The following CYP2A6 variants were observed in gnomAD, a reference collection of about 807,000 sequenced individuals.
CYP2A6 encodes cytochrome P450 2A6.
Under a neutral mutation model 42.3 loss-of-function variants are expected in CYP2A6, and 27 were observed. The ratio of observed to expected loss-of-function variants is 0.64; its 90% CI spans 0.47 to 0.88. The LOEUF is 0.88. Ranked by LOEUF, CYP2A6 falls within the 40% of genes least tolerant of loss-of-function variation. CYP2A6 has a pLI of 0.00. For synonymous variants in CYP2A6, 238 were observed against 246.3 expected (o/e 0.97, Z 0.31); for missense variants, 628 against 646.0 (o/e 0.97, Z 0.30).
At chr19:40,845,242 A>C (rs576392235) in intron 7 of CYP2A6, 52 bp downstream of exon 7, 1 of 1,606,050 alleles carries the variant, frequency 6.2e-7, no homozygotes, top group East Asian at 2.3e-5. Flanking sequence ...TGCTGGGGAC[A>C]CAGAGAGGGG....
chr19:40,850,127 T>G, intron 1 of CYP2A6, 120 bp downstream of exon 1: 1 of 1,527,378 alleles, frequency 6.5e-7, no homozygotes, highest in South Asian at 1.3e-5. Flanking sequence ...TTTCTGATGC[T>G]GAAACTCCAA....
At chr19:40,845,725 G>A (rs2083453125) in intron 6 of CYP2A6, among the ~76,000 whole-genome samples, 1 of 151,394 alleles carries the variant, frequency 6.6e-6, no homozygotes, top group Admixed American at 6.6e-5. Flanking sequence ...ACGGGCAGTG[G>A]GCACTCAGTG....
At chr19:40,844,884 T>C in intron 7 of CYP2A6, 112 bp from the exon 8 acceptor site, 4 of 1,392,688 alleles carry the variant, frequency 2.9e-6, no homozygotes, top group Non-Finnish European at 3.9e-6. Flanking sequence ...GTGGCAGGCA[T>C]GGAGGAGTTG....
chr19:40,846,227 A>G, intron 5 of CYP2A6, 130 bp from the exon 6 acceptor site: 1 of 1,309,058 alleles, frequency 7.6e-7, no homozygotes, highest in Middle Eastern at 2.7e-4. Context: ...GATCTACCAG[A>G]CTCGCTCTAG....
intron 4 of CYP2A6, among the ~76,000 whole-genome samples, chr19:40,847,379 G>C (rs1018676614): frequency 4.6e-4 from 69 of 151,594 alleles, no homozygotes; most frequent in African/African-American, 1.6e-3. Flanking sequence ...CAGGTGTTTA[G>C]CTCTTCAGGT....
chr19:40,848,771 G>C lies in CYP2A6; in HGVS notation c.344-8C>G. 6.2e-7 allele frequency: 1 copy of C among 1,609,950 alleles called. No individual in the cohort carries two copies. Among genetic ancestry groups the C allele is most frequent in the East Asian group, 2.3e-5 (1 of 43,142 alleles). On this transcript the variant is annotated splice_polypyrimidine_tract_variant and splice_region_variant and intron_variant, in intron 2 of 8. Coordinates refer to ENST00000301141, the MANE Select transcript of CYP2A6 (RefSeq NM_000762.6). ...CGTTGCTGAATACCACGCCTGGGGA[G>C]GTGAACGCGGGAATGGAGACAGGCC...
rs1599777197 is a variant in CYP2A6 at position 40,844,988 on chromosome 19, G to GT, written c.1162-217_1162-216insA. On this transcript the variant is annotated intron_variant, in intron 7 of 8. Transcript: ENST00000301141. Reference sequence around the variant, plus strand: ...ATGGGGTCCATGTCCTTCTAGGCAGGAGTTTGGGGGACCTGAGATTTCTGT... The same window carrying GT: ...ATGGGGTCCATGTCCTTCTAGGCAGGTAGTTTGGGGGACCTGAGATTTCTGT... The GT allele has an allele frequency of 1.5e-4, 103 of 677,752 alleles. 14 individuals are homozygous for GT. In the East Asian group the frequency reaches 3.1e-3, roughly 20 times the overall value. The allele number at this position is 677,752 out of a possible 1,614,324, so 42.0% of individuals were successfully genotyped here. A position where few individuals can be genotyped will look rare whatever the true frequency, so the allele number is the denominator to read the frequency against.
In CYP2A6 at chr19:40,850,389, A is replaced by G. The variant is rs373993802; in HGVS notation, c.38T>C (p.Val13Ala). 62 of 1,610,158 alleles carry G rather than the reference A, an allele frequency of 3.9e-5. 4 individuals are homozygous for G. In the Middle Eastern group the frequency reaches 5.0e-4, roughly 13 times the overall value. Reference sequence around the variant, plus strand: ...CATCAAGACCATTACAGTCAGGCAGACCAGCAAGGCCACCAGAAGCATCCC... The same window carrying G: ...CATCAAGACCATTACAGTCAGGCAGGCCAGCAAGGCCACCAGAAGCATCCC... The part of the protein sequence containing the change: ...ASGMLLVALL[V>A]CLTVMVLMSV... The change falls in exon 1 of 9, where the codon GTC becomes GCC. Residue 13 changes from valine (V) to alanine (A), a missense_variant. By Grantham distance (64) the Val-to-Ala change is moderately conservative. Coordinates refer to ENST00000301141, the MANE Select transcript of CYP2A6 (RefSeq NM_000762.6).
chr19:40,847,151 A>G, intron 4 of CYP2A6, 100 bp from the exon 5 acceptor site: 1 of 1,498,364 alleles, frequency 6.7e-7, no homozygotes, highest in Non-Finnish European at 9.0e-7. Flanking sequence ...GAACTGAGTT[A>G]AAGGCATCTG....
At position 40,845,346 on chromosome 19, in the gene CYP2A6, A is replaced by T. The variant is rs142447929; in HGVS notation, c.1109T>A (p.Leu370Ter). The T allele has an allele frequency of 3.1e-6, 5 of 1,611,502 alleles. No homozygotes were observed. The highest frequency in any genetic ancestry group is 4.2e-6 in the Non-Finnish European group (5 of 1,179,862). The change falls in exon 7 of 9, where the codon TTG becomes TAG. Residue 370 changes from leucine to a stop codon, truncating the protein, a stop_gained. Transcript: ENST00000301141. LOFTEE classifies it high-confidence loss of function. ...QRFGDVIPMS[L>*]ARRVKKDTKF... ...GGTGTCCTTTTTGACTCTGCGGGCC[A>T]AACTCATGGGGATCACGTCTCCAAA...
chr19:40,849,798 C>A lies in CYP2A6; in HGVS notation c.343+20G>T. 6.2e-7 allele frequency: 1 copy of A among 1,608,458 alleles called. No individual in the cohort carries two copies. The highest frequency in any genetic ancestry group is 8.5e-7 in the Non-Finnish European group (1 of 1,179,544). On this transcript the variant is annotated intron_variant, in intron 2 of 8. Coordinates refer to ENST00000301141, the MANE Select transcript of CYP2A6 (RefSeq NM_000762.6). ...TTCGTGTCCACCTGGCCACCTTCCC[C>A]CTCTTGGGCACCCCCTCACCATAGC...
intron 7 of CYP2A6, 92 bp from the exon 8 acceptor site, chr19:40,844,864 G>A (rs1340777379): frequency 6.9e-5 from 102 of 1,476,828 alleles, no homozygotes; most frequent in Non-Finnish European, 7.6e-5. Flanking sequence ...TGTGCCCCAG[G>A]TAAGGGGAAG....
chr19:40,848,231 G>A lies in CYP2A6; in HGVS notation c.642C>T (p.Thr214=), dbSNP rs764275705. The A allele has an allele frequency of 6.2e-7, 1 of 1,611,778 alleles. No homozygotes were observed. The highest frequency in any genetic ancestry group is 8.5e-7 in the Non-Finnish European group (1 of 1,179,882). Reference sequence around the variant, plus strand: ...TGCAGCCAGTTACCTGCCCCGTGGAGGTTGACGTGAACTGGAAGATTCCTA... The same window carrying A: ...TGCAGCCAGTTACCTGCCCCGTGGAAGTTGACGTGAACTGGAAGATTCCTA... The part of the protein sequence containing the change: ...MMLGIFQFTS[T]STGQLYEMFS... The change falls in exon 4 of 9, where the codon ACC becomes ACT. Residue 214 remains threonine (T), a synonymous_variant. Transcript: ENST00000301141.
chr19:40,849,932 G>C lies in CYP2A6; in HGVS notation c.229C>G (p.Arg77Gly). ...PVFTIHLGPRRVVVLCGHDAV... is the reference protein window; with the variant it reads ...PVFTIHLGPRGVVVLCGHDAV... ...TCATGTCCACACAGCACCACGACCC[G>C]CCGGGGCCCCAAGTGAATGGTGAAC... Residue 77 changes from arginine (R) to glycine (G), a missense_variant, in exon 2 of 9, where the codon CGG (arginine) becomes GGG (glycine). This residue lies in a region of CYP2A6 where 606 missense variants were observed against 568.1 expected (regional missense o/e 1.07). Transcript: ENST00000301141. 2 of 1,611,418 alleles carry C rather than the reference G, an allele frequency of 1.2e-6. No individual in the cohort carries two copies. The highest frequency in any genetic ancestry group is 2.2e-5 in the South Asian group (2 of 90,876).
Position 40,844,618 on chromosome 19 carries a change from A to C in CYP2A6, c.1303+13T>G, listed in dbSNP as rs750472363. On this transcript the variant is annotated intron_variant, in intron 8 of 8. Transcript: ENST00000301141. ...TGTGAGCCGTGGCCTGGCAGCAAAC[A>C]GTGGTCTCTTACCGATGGAAAAGGG... 1 of 1,611,378 alleles carries C rather than the reference A, an allele frequency of 6.2e-7. No homozygotes were observed.
intron 5 of CYP2A6, among the ~76,000 whole-genome samples, chr19:40,846,380 C>G (rs1967100184): frequency 6.7e-6 from 1 of 149,124 alleles, no homozygotes; most frequent in Non-Finnish European, 1.5e-5. Context: ...CTGACTTGGT[C>G]TTGCTAAGTT....
chr19:40,848,986 A>AG (rs1461855269), intron 2 of CYP2A6, among the ~76,000 whole-genome samples: 1 of 100,276 alleles, frequency 1.0e-5, no homozygotes, highest in African/African-American at 4.5e-5. Flanking sequence ...GAAGAGAGAG[A>AG]GGAGAGAGAG....
chr19:40,849,030 G>GA (rs1967167205), intron 2 of CYP2A6, among the ~76,000 whole-genome samples: 1 of 42,512 alleles, frequency 2.4e-5, no homozygotes, highest in Non-Finnish European at 5.6e-5. Context: ...AGGAGAGAGA[G>GA]AGAGAAGAGA....
intron 2 of CYP2A6, among the ~76,000 whole-genome samples, chr19:40,849,010 GA>G (rs1234373935): frequency 7.1e-5 from 5 of 70,044 alleles, no homozygotes; most frequent in Admixed American, 1.7e-4. Context: ...GAGAGAGAGA[GA>G]AGAGAGAGAG....
Sources: allele counts gnomAD v4.1 joint callset (sites outside exome capture counted in the v4.1 genomes callset), GRCh38; gene constraint gnomAD v4.1.1; regional missense constraint gnomAD v4.1.1; transcripts MANE v1.5; gene names NCBI Gene and HGNC (gene_info 2026-07-23, HGNC 2026-07-21).